Variants in TMEM144 observed in about 807,000 individuals in gnomAD.
The protein encoded by TMEM144 is transmembrane protein 144.
In TMEM144, 39 loss-of-function variants were observed where a neutral mutation model predicts 43.6. The observed-to-expected ratio is 0.90, with a 90% CI of 0.69 to 1.17. The LOEUF is 1.17. TMEM144 is among the 50% of genes most tolerant of loss of function. TMEM144 has a pLI of 0.00. For missense variants in TMEM144, 417 were observed against 411.9 expected (o/e 1.01, Z -0.11); for synonymous variants, 154 against 133.6 (o/e 1.15, Z -1.06).
chr4:158,224,711 T>G (rs1178290933), intron 6 of TMEM144, among the ~76,000 whole-genome samples: 1 of 152,054 alleles, frequency 6.6e-6, no homozygotes, highest in Admixed American at 6.5e-5. Flanking sequence ...TTAAGGAAAA[T>G]GAGTTCTGCG....
At chr4:158,249,887 G>GGTGTGTGTGTGTGTGTGTGTGTGTGTGT (rs149144602) in intron 12 of TMEM144, among the ~76,000 whole-genome samples, 14 of 134,464 alleles carry the variant, frequency 1.0e-4, no homozygotes, top group East Asian at 2.2e-4. Context: ...CCTACTGCCA[G>GGTGTGTGTGTGTGTGTGTGTGTGTGTGT]GTGTGTGTGT....
intron 10 of TMEM144, among the ~76,000 whole-genome samples, chr4:158,240,948 G>A (rs1735604602): frequency 6.6e-6 from 1 of 152,180 alleles, no homozygotes; most frequent in Non-Finnish European, 1.5e-5. Context: ...AATTTGGAAT[G>A]TAGGTCCACA....
In TMEM144 at chr4:158,244,314, G is replaced by A; in HGVS notation, c.919G>A (p.Ala307Thr). Reference protein sequence around the residue: ...IITAGPGFIAAMWGIFMFKEI... With the variant: ...IITAGPGFIATMWGIFMFKEI... ...ATTTAAGGGTCCAGGATTTATAGCTGCAATGTGGGGTATCTTCATGTTTAA... is the reference window on the plus strand; with the variant it reads ...ATTTAAGGGTCCAGGATTTATAGCTACAATGTGGGGTATCTTCATGTTTAA... The change falls in exon 12 of 13, where the codon GCA becomes ACA. Residue 307 changes from alanine to threonine, a missense_variant. Physicochemically the swap from Ala to Thr is moderately conservative, Grantham distance 58 (BLOSUM62 0). Transcript: ENST00000296529. The A allele has an allele frequency of 6.2e-7, 1 of 1,606,706 alleles. No homozygotes were observed. The highest frequency in any genetic ancestry group is 1.1e-5 in the South Asian group (1 of 89,790).
chr4:158,231,219 A>G (rs576627585), intron 6 of TMEM144, among the ~76,000 whole-genome samples: 1 of 152,236 alleles, frequency 6.6e-6, no homozygotes, highest in South Asian at 2.1e-4. Flanking sequence ...TCTAGGTTTC[A>G]TGGCTGGTTT....
chr4:158,219,398 G>A lies in TMEM144; in HGVS notation c.413+8G>A. The A allele has an allele frequency of 6.2e-7, 1 of 1,610,984 alleles. No individual in the cohort carries two copies. Among genetic ancestry groups the A allele is most frequent in the Non-Finnish European group, 8.5e-7 (1 of 1,177,524 alleles). Reference sequence around the variant, plus strand: ...TGGGCTATCAGTAGTAAGGTACACAGTCATTTCTAGTGATTTTGCTGTTCT... The same window carrying A: ...TGGGCTATCAGTAGTAAGGTACACAATCATTTCTAGTGATTTTGCTGTTCT... On this transcript the variant is annotated splice_region_variant and intron_variant, in intron 6 of 12. Transcript: ENST00000296529.
intron 6 of TMEM144, among the ~76,000 whole-genome samples, chr4:158,223,540 C>T (rs187276627): frequency 1.3e-5 from 2 of 152,132 alleles, no homozygotes; most frequent in Non-Finnish European, 2.9e-5. Context: ...CCTATTGACC[C>T]ATCCTTTAAG....
intron 6 of TMEM144, among the ~76,000 whole-genome samples, chr4:158,220,180 A>C (rs1430361752): frequency 6.6e-6 from 1 of 152,226 alleles, no homozygotes; most frequent in Non-Finnish European, 1.5e-5. Context: ...TTCCCCAGGC[A>C]CATTCAGGAA....
chr4:158,249,932 G>GTGTGTGTGTT (rs1736108118), intron 12 of TMEM144, among the ~76,000 whole-genome samples: 1 of 123,524 alleles, frequency 8.1e-6, no homozygotes, highest in African/African-American at 3.0e-5. Context: ...GTGTGTGTGT[G>GTGTGTGTGTT]TTTAAATAAG....
At chr4:158,226,875 C>T (rs930559281) in intron 6 of TMEM144, among the ~76,000 whole-genome samples, 9 of 152,076 alleles carry the variant, frequency 5.9e-5, no homozygotes, top group South Asian at 4.2e-4. Context: ...ACATAAATCC[C>T]GCCCCCCCTT....
chr4:158,248,127 A>G, intron 12 of TMEM144, among the ~76,000 whole-genome samples: 1 of 149,206 alleles, frequency 6.7e-6, no homozygotes, highest in Non-Finnish European at 1.5e-5. Context: ...AAGAATTAAA[A>G]AAAAAAAAAA....
At chr4:158,215,140 A>G (rs569285591) in intron 3 of TMEM144, 51 bp from the exon 4 acceptor site, 4 of 1,611,172 alleles carry the variant, frequency 2.5e-6, no homozygotes, top group Non-Finnish European at 3.4e-6. Context: ...CCTGAGCACA[A>G]ATTTACTCAA....
intron 6 of TMEM144, among the ~76,000 whole-genome samples, chr4:158,225,265 G>C (rs1021604348): frequency 2.0e-5 from 3 of 152,164 alleles, no homozygotes; most frequent in African/African-American, 4.8e-5. Flanking sequence ...CTATAGTCTG[G>C]GTTAAAACTC....
intron 11 of TMEM144, among the ~76,000 whole-genome samples, chr4:158,243,680 CTT>C (rs1291698453): frequency 6.6e-6 from 1 of 152,020 alleles, no homozygotes; most frequent in African/African-American, 2.4e-5. Flanking sequence ...TTATTTCATT[CTT>C]TTCTTTGTCT....
rs779684326 is a variant in TMEM144 at position 158,217,292 on chromosome 4, C to T, written c.233-29C>T. On this transcript the variant is annotated intron_variant, in intron 4 of 12. Coordinates refer to ENST00000296529, the MANE Select transcript of TMEM144 (RefSeq NM_018342.5). Reference sequence around the variant, plus strand: ...AAATGTATTTTCTATATGGAAATAACATGTTTCTTCTGTATATTACATCTA... The same window carrying T: ...AAATGTATTTTCTATATGGAAATAATATGTTTCTTCTGTATATTACATCTA... 9 of 1,410,518 alleles carry T rather than the reference C, an allele frequency of 6.4e-6. No homozygotes were observed. In the East Asian group the frequency reaches 2.1e-4, roughly 33 times the overall value. The allele number at this position is 1,410,518 out of a possible 1,614,324, so 87.4% of individuals were successfully genotyped here.
chr4:158,237,608 G>C lies in TMEM144; in HGVS notation c.647G>C (p.Arg216Thr), dbSNP rs1579136073. The C allele has an allele frequency of 6.2e-7, 1 of 1,613,736 alleles. No individual in the cohort carries two copies. The highest frequency in any genetic ancestry group is 8.5e-7 in the Non-Finnish European group (1 of 1,179,784). The change falls in exon 9 of 13, where the codon AGA (arginine) becomes ACA (threonine). Residue 216 changes from arginine (R) to threonine (T), a missense_variant. Coordinates refer to ENST00000296529, the MANE Select transcript of TMEM144 (RefSeq NM_018342.5). Reference sequence around the variant, plus strand: ...ATCTACATCAAGGACCACAGCAAAAGAAATGATAGTATATATGCAGGGGCA... The same window carrying C: ...ATCTACATCAAGGACCACAGCAAAACAAATGATAGTATATATGCAGGGGCA... ...PIIYIKDHSK[R>T]NDSIYAGASQ...
rs552672099 is a variant in TMEM144 at position 158,229,430 on chromosome 4, G to C, written c.414-3471G>C. ...ACCTGATGCCAGTAGGATCATTCCT[G>C]TACAGGGTGCCTGACAAACCCTGTT... On this transcript the variant is annotated intron_variant, in intron 6 of 12. Coordinates refer to ENST00000296529, the MANE Select transcript of TMEM144 (RefSeq NM_018342.5). Among the ~76,000 whole-genome samples the C allele has an allele frequency of 1.1e-4, 16 of 152,290 alleles. No individual in the cohort carries two copies. In the South Asian group the frequency reaches 1.5e-3, roughly 14 times the overall value.
chr4:158,251,960 A>G (rs1736228920), intron 12 of TMEM144, among the ~76,000 whole-genome samples: 2 of 152,316 alleles, frequency 1.3e-5, no homozygotes, highest in South Asian at 4.1e-4. Context: ...ACAAAATGGC[A>G]GTCATTCAGG....
At chr4:158,224,556 T>G (rs952241976) in intron 6 of TMEM144, among the ~76,000 whole-genome samples, 3 of 152,266 alleles carry the variant, frequency 2.0e-5, no homozygotes, top group Non-Finnish European at 2.9e-5. Context: ...TAAGTTTTTT[T>G]AGAGTTCTCG....
chr4:158,215,336 C>G (rs1307026146), intron 4 of TMEM144, 23 bp downstream of exon 4: 1 of 1,609,336 alleles, frequency 6.2e-7, no homozygotes, highest in Admixed American at 1.7e-5. Flanking sequence ...ATAACTTATA[C>G]TTTTATTATG....
Sources: allele counts gnomAD v4.1 joint callset (sites outside exome capture counted in the v4.1 genomes callset), GRCh38; gene constraint gnomAD v4.1.1; transcripts MANE v1.5; gene names NCBI Gene and HGNC (gene_info 2026-07-23, HGNC 2026-07-21).